Variants in ITGAE observed in about 807,000 individuals in gnomAD.
The protein encoded by ITGAE is integrin alpha-E.
In ITGAE, 99 loss-of-function variants were observed where a neutral mutation model predicts 136.5. That is an observed-to-expected ratio of 0.73 (90% CI 0.62 to 0.86). The LOEUF is 0.86. Ranked by LOEUF, ITGAE falls within the 40% of genes least tolerant of loss-of-function variation. ITGAE has a pLI of 0.00. For missense variants in ITGAE, 1,447 were observed against 1,515.3 expected, an observed-to-expected ratio of 0.95 and a Z score of 0.75; for synonymous variants, 613 against 591.8, an observed-to-expected ratio of 1.04 and a Z score of -0.52.
chr17:3,725,837 C>G, intron 26 of ITGAE: 1 of 1,612,000 alleles, frequency 6.2e-7, no homozygotes, highest in Non-Finnish European at 8.5e-7. Context: ...AGCTCACAGC[C>G]TCCCTCGCAG....
intron 4 of ITGAE, 23 bp from the exon 5 acceptor site, chr17:3,761,543 G>T: frequency 1.3e-6 from 2 of 1,591,832 alleles, no homozygotes; most frequent in South Asian, 2.2e-5. Flanking sequence ...AGAGAGGGTG[G>T]GGAAACACCA....
At chr17:3,760,313 TG>T in intron 6 of ITGAE, 26 bp from the exon 7 acceptor site, 2 of 1,434,854 alleles carry the variant, frequency 1.4e-6, no homozygotes, top group Non-Finnish European at 2.0e-6. Context: ...AGGTCAGGAG[TG>T]GGCATGGGAT....
At position 3,724,474 on chromosome 17, in the gene ITGAE, C is replaced by G. The variant is rs779458995; in HGVS notation, c.3085-730G>C. ...CTGGCCTCGCCCTGCCCCGGGTCCC[C>G]AACGCCAAGGGACAGTGTCATCTCG... On this transcript the variant is annotated intron_variant, in intron 26 of 30. Transcript: ENST00000263087. 9 of 1,613,828 alleles carry G rather than the reference C, an allele frequency of 5.6e-6. No homozygotes were observed. Among genetic ancestry groups the G allele is most frequent in the Non-Finnish European group, 7.6e-6 (9 of 1,180,032 alleles).
intron 2 of ITGAE, among the ~76,000 whole-genome samples, chr17:3,776,626 A>G (rs573870402): frequency 3.1e-4 from 47 of 151,892 alleles, no homozygotes; most frequent in Admixed American, 8.5e-4. Flanking sequence ...TGGTGCAATC[A>G]CGGCTCCCTA....
At chr17:3,740,724 C>T (rs1347937612) in intron 19 of ITGAE, among the ~76,000 whole-genome samples, 2 of 152,198 alleles carry the variant, frequency 1.3e-5, no homozygotes, top group East Asian at 3.8e-4. Flanking sequence ...TACACATAAT[C>T]GACTAATTCT....
chr17:3,751,815 G>C lies in ITGAE; in HGVS notation c.1728C>G (p.Arg576=). 1 of 1,614,158 alleles carries C rather than the reference G, an allele frequency of 6.2e-7. No homozygotes were observed. The highest frequency in any genetic ancestry group is 8.5e-7 in the Non-Finnish European group (1 of 1,180,002). ...CCATAGCCGCCATGGCAAAGCCAAAGCGGGCATTGGTGAACCCGGGGTGCC... is the reference window on the plus strand; with the variant it reads ...CCATAGCCGCCATGGCAAAGCCAAACCGGGCATTGGTGAACCCGGGGTGCC... ...LSGHPGFTNA[R]FGFAMAAMGD... is the part of the protein sequence containing the mutation. The change falls in exon 15 of 31, where the codon CGC becomes CGG. Residue 576 remains arginine, a synonymous_variant. Coordinates refer to ENST00000263087, the MANE Select transcript of ITGAE (RefSeq NM_002208.5).
chr17:3,745,591 C>T (rs1401521677), intron 18 of ITGAE, among the ~76,000 whole-genome samples, 173 bp downstream of exon 18: 5 of 152,242 alleles, frequency 3.3e-5, no homozygotes, highest in African/African-American at 9.6e-5. Flanking sequence ...ATCCCCCCGC[C>T]TTGGCCTCCC....
At chr17:3,784,539 C>T (rs1401217383) in intron 1 of ITGAE, among the ~76,000 whole-genome samples, 1 of 151,764 alleles carries the variant, frequency 6.6e-6, no homozygotes, top group African/African-American at 2.4e-5. Context: ...GAACTACAGG[C>T]ACGCGCCACC....
At chr17:3,775,483 A>G (rs1340102052) in intron 2 of ITGAE, among the ~76,000 whole-genome samples, 2 of 151,774 alleles carry the variant, frequency 1.3e-5, no homozygotes, top group South Asian at 2.1e-4. Context: ...TTTCTGAGAC[A>G]GAGTCTCGCT....
At chr17:3,779,829 C>T (rs560109352) in intron 1 of ITGAE, among the ~76,000 whole-genome samples, 1 of 152,164 alleles carries the variant, frequency 6.6e-6, no homozygotes, top group East Asian at 1.9e-4. Flanking sequence ...AAATAGATAT[C>T]GATAGATTAC....
intron 2 of ITGAE, among the ~76,000 whole-genome samples, chr17:3,774,281 A>G (rs1300053324): frequency 6.6e-6 from 1 of 152,154 alleles, no homozygotes; most frequent in Non-Finnish European, 1.5e-5. Context: ...CTGGGGTGGG[A>G]TGAGGAGGTA....
intron 18 of ITGAE, 63 bp downstream of exon 18, chr17:3,745,701 A>C (rs1429221433): frequency 1.3e-5 from 20 of 1,498,180 alleles, no homozygotes; most frequent in Non-Finnish European, 1.5e-5. Flanking sequence ...TCACTGCATC[A>C]CCTCAAATCC....
chr17:3,752,839 C>T (rs564853897), intron 14 of ITGAE, among the ~76,000 whole-genome samples: 6 of 151,792 alleles, frequency 4.0e-5, no homozygotes, highest in African/African-American at 9.7e-5. Flanking sequence ...CACCTGAGGT[C>T]GGGAGTTCAA....
chr17:3,782,501 G>A (rs189859669), intron 1 of ITGAE, among the ~76,000 whole-genome samples: 4 of 151,562 alleles, frequency 2.6e-5, no homozygotes, highest in East Asian at 2.0e-4. Flanking sequence ...CCAAGTAGCC[G>A]GGATTACAGG....
intron 1 of ITGAE, among the ~76,000 whole-genome samples, chr17:3,778,068 A>G (rs1414908259): frequency 6.6e-6 from 1 of 151,722 alleles, no homozygotes; most frequent in Non-Finnish European, 1.5e-5. Context: ...CAAGCGACCC[A>G]CGAGAAAACG....
intron 30 of ITGAE, among the ~76,000 whole-genome samples, chr17:3,716,254 A>G: frequency 7.6e-6 from 1 of 132,100 alleles, no homozygotes. Flanking sequence ...TAGCAGTAGA[A>G]GAGTTTGCAC....
intron 18 of ITGAE, among the ~76,000 whole-genome samples, chr17:3,744,898 A>G (rs1415504581): frequency 1.3e-5 from 2 of 152,236 alleles, no homozygotes; most frequent in East Asian, 1.9e-4. Context: ...GGAGAAAGTG[A>G]GCATGATTCT....
chr17:3,739,793 T>A lies in ITGAE; in HGVS notation c.2522+12A>T, dbSNP rs777952749. Reference sequence around the variant, plus strand: ...GGTTAATCGAGGAAACTGACGGCTATGTCCAACTCACTGAGAGACGGTGGT... The same window carrying A: ...GGTTAATCGAGGAAACTGACGGCTAAGTCCAACTCACTGAGAGACGGTGGT... On this transcript the variant is annotated intron_variant, in intron 20 of 30. Transcript: ENST00000263087. 6.2e-7 allele frequency: 1 copy of A among 1,612,514 alleles called. No individual in the cohort carries two copies. Among genetic ancestry groups the A allele is most frequent in the Non-Finnish European group, 8.5e-7 (1 of 1,178,492 alleles).
intron 2 of ITGAE, among the ~76,000 whole-genome samples, chr17:3,765,717 G>A (rs1302140034): frequency 1.3e-5 from 2 of 151,988 alleles, no homozygotes; most frequent in African/African-American, 4.8e-5. Flanking sequence ...CATCTCCTTC[G>A]AACACTTTTT....
Sources: gnomAD v4.1 joint callset for allele counts (sites outside exome capture counted in the v4.1 genomes callset) on GRCh38, gnomAD v4.1.1 for gene constraint, MANE v1.5 for transcripts, NCBI Gene and HGNC (gene_info 2026-07-23, HGNC 2026-07-21) for gene names.